Variants in MMADHC observed in about 807,000 individuals in gnomAD.
MMADHC encodes metabolism of cobalamin associated D.
Under a neutral mutation model 36.3 loss-of-function variants are expected in MMADHC, and 23 were observed. The observed-to-expected ratio is 0.63, with a 90% CI of 0.46 to 0.90. The LOEUF (loss-of-function observed/expected upper bound fraction) is 0.90, where lower values mean the gene tolerates loss of function less well. Among genes scored for constraint, MMADHC ranks in the 40% least tolerant of loss-of-function variants. The probability of loss-of-function intolerance (pLI) is 0.00; values close to 1 mark genes in which losing one functional copy is unlikely to be tolerated. For synonymous variants in MMADHC, 97 were observed against 116.1 expected, an observed-to-expected ratio of 0.84 and a Z score of 1.06; for missense variants, 330 against 348.0, an observed-to-expected ratio of 0.95 and a Z score of 0.41.
chr2:149,575,333 A>G (rs1021453661), intron 6 of MMADHC, among the ~76,000 whole-genome samples: 2 of 150,780 alleles, frequency 1.3e-5, no homozygotes, highest in East Asian at 2.0e-4. Context: ...TTATTTTGAC[A>G]TGTTCTAAGC....
chr2:149,569,774 G>A lies in MMADHC; in HGVS notation c.*200C>T. ...ACCACATCCTATACAATGTGGATGT[G>A]TTCAACGTGTATTCAATGATATGAA... On this transcript the variant is annotated 3_prime_UTR_variant, in exon 8 of 8. Coordinates refer to ENST00000303319, the MANE Select transcript of MMADHC (RefSeq NM_015702.3). 2 of 562,066 alleles carry A rather than the reference G, an allele frequency of 3.6e-6. No homozygotes were observed. The highest frequency in any genetic ancestry group is 6.4e-6 in the Non-Finnish European group (2 of 314,900). 34.8% of individuals were successfully genotyped at this position (562,066 alleles called of 1,614,324 possible).
At position 149,587,767 on chromosome 2, in the gene MMADHC, A is replaced by C. The variant is rs945429451; in HGVS notation, c.-156T>G. Reference sequence around the variant, plus strand: ...GGTAGCACCTACGCTGGCGGTGAGCAGGCAAAGGAAGTTGCTTCCGAGCGC... The same window carrying C: ...GGTAGCACCTACGCTGGCGGTGAGCCGGCAAAGGAAGTTGCTTCCGAGCGC... On this transcript the variant is annotated 5_prime_UTR_variant, in exon 1 of 8. Transcript: ENST00000303319. The C allele has an allele frequency of 3.3e-5, 5 of 152,962 alleles. No homozygotes were observed. Among genetic ancestry groups the C allele is most frequent in the South Asian group, 2.0e-4 (1 of 4,956 alleles). The allele number at this position is 152,962 out of a possible 1,614,324, so 9.5% of individuals were successfully genotyped here. A position where few individuals can be genotyped will look rare whatever the true frequency, so the allele number is the denominator to read the frequency against.
intron 3 of MMADHC, among the ~76,000 whole-genome samples, chr2:149,580,637 C>CA (rs1192768981): frequency 1.3e-5 from 2 of 152,146 alleles, no homozygotes; most frequent in African/African-American, 4.8e-5. Context: ...AATATCCTGT[C>CA]AGAGAACTAA....
chr2:149,570,010 T>A lies in MMADHC; in HGVS notation c.855A>T (p.Pro285=), dbSNP rs768988562. 6 of 1,613,612 alleles carry A rather than the reference T, an allele frequency of 3.7e-6. No homozygotes were observed. In the East Asian group the frequency reaches 1.3e-4, roughly 36 times the overall value. The change falls in exon 8 of 8, where the codon CCA becomes CCT. Residue 285 remains proline (P), a synonymous_variant. Transcript: ENST00000303319. ...VVGSIFTNAT[P]DSHIMKKLSG... The stretch of plus-strand genomic sequence containing the variant: ...TTAATTTCTTCATAATATGGCTGTC[T>A]GGTGTTGCATTAGTGAAGATACTCC...
intron 2 of MMADHC, among the ~76,000 whole-genome samples, chr2:149,583,602 G>A (rs765852197): frequency 6.6e-6 from 1 of 152,148 alleles, no homozygotes; most frequent in Non-Finnish European, 1.5e-5. Context: ...AAAATGGACT[G>A]GAGGAGGAGT....
intron 2 of MMADHC, among the ~76,000 whole-genome samples, chr2:149,584,336 C>T (rs1032817318): frequency 7.2e-5 from 11 of 152,096 alleles, no homozygotes; most frequent in African/African-American, 2.7e-4. Context: ...GGTCCAAGTT[C>T]TATAGTAAGT....
At chr2:149,578,751 G>A (rs1250862594) in intron 4 of MMADHC, among the ~76,000 whole-genome samples, 1 of 151,970 alleles carries the variant, frequency 6.6e-6, no homozygotes, top group African/African-American at 2.4e-5. Flanking sequence ...TCAAATGTAA[G>A]GAATTGGTGC....
At position 149,587,155 on chromosome 2, in the gene MMADHC, A is replaced by G. The variant is rs1169325447; in HGVS notation, c.-52-6T>C. On this transcript the variant is annotated splice_region_variant and splice_polypyrimidine_tract_variant and intron_variant, in intron 1 of 7. Coordinates refer to ENST00000303319, the MANE Select transcript of MMADHC (RefSeq NM_015702.3). ...TTCCTTTGGTAAAGTTATTTCTGGGAAAGAACACAACAAAACAGACGAGTG... is the reference window on the plus strand; with the variant it reads ...TTCCTTTGGTAAAGTTATTTCTGGGGAAGAACACAACAAAACAGACGAGTG... 9.1e-6 allele frequency: 14 copies of G among 1,545,908 alleles called. No individual in the cohort carries two copies. The highest frequency in any genetic ancestry group is 2.2e-5 in the East Asian group (1 of 44,588).
At chr2:149,587,006 C>G in intron 2 of MMADHC, 83 bp downstream of exon 2, 1 of 1,351,214 alleles carries the variant, frequency 7.4e-7, no homozygotes, top group Non-Finnish European at 1.1e-6. Flanking sequence ...CCACCCAATG[C>G]CATCATAATT....
In MMADHC at chr2:149,587,650, G is replaced by A. The variant is rs1682896087; in HGVS notation, c.-53+14C>T. 1 of 161,082 alleles carries A rather than the reference G, an allele frequency of 6.2e-6. No individual in the cohort carries two copies. Among genetic ancestry groups the A allele is most frequent in the South Asian group, 1.5e-4 (1 of 6,518 alleles). The allele number at this position is 161,082 out of a possible 1,614,324, so 10.0% of individuals were successfully genotyped here. A position where few individuals can be genotyped will look rare whatever the true frequency, so the allele number is the denominator to read the frequency against. On this transcript the variant is annotated intron_variant, in intron 1 of 7. Transcript: ENST00000303319. ...AAATTTGGAGGGGCTAACATGGGCG[G>A]AAACCATCCGTACCAGTCACCACCA... is the stretch of plus-strand genomic sequence containing the variant.
At position 149,576,870 on chromosome 2, in the gene MMADHC, G is replaced by A. The variant is rs539072472; in HGVS notation, c.373-328C>T. Among the ~76,000 whole-genome samples, 259 of 152,196 alleles carry A rather than the reference G, an allele frequency of 1.7e-3. 1 individual carries two copies. Among genetic ancestry groups the A allele is most frequent in the African/African-American group, 6.0e-3 (249 of 41,528 alleles). ...ATAATGTTACCTCTTCTATTTTATG[G>A]TAATATTTAATTATCTTTTCTTCTA... On this transcript the variant is annotated intron_variant, in intron 4 of 7. Transcript: ENST00000303319.
intron 4 of MMADHC, 93 bp from the exon 5 acceptor site, chr2:149,576,635 T>C (rs999861935): frequency 3.5e-6 from 3 of 868,278 alleles, no homozygotes; most frequent in African/African-American, 1.7e-5. Context: ...AGAAAGCTTT[T>C]TGTTTGTTTT....
chr2:149,586,142 G>A (rs1260513298), intron 2 of MMADHC, among the ~76,000 whole-genome samples: 3 of 152,146 alleles, frequency 2.0e-5, no homozygotes, highest in Non-Finnish European at 2.9e-5. Flanking sequence ...TACAGAAATA[G>A]CATCCTGGCT....
Position 149,582,209 on chromosome 2 carries a change from C to G in MMADHC, c.72G>C (p.Arg24Ser). The G allele has an allele frequency of 6.2e-7, 1 of 1,613,826 alleles. No homozygotes were observed. Among genetic ancestry groups the G allele is most frequent in the Non-Finnish European group, 8.5e-7 (1 of 1,179,840 alleles). ...YLPGFCSLVKRVVNPKAFSTA... is the reference protein window; with the variant it reads ...YLPGFCSLVKSVVNPKAFSTA... ...TCGAAAAGGCTTTGGGATTGACAAC[C>G]CTTTTAACTAAAGAGCAAAATCCTG... Residue 24 changes from arginine to serine, a missense_variant, in exon 3 of 8, where the codon AGG (arginine) becomes AGC (serine). Coordinates refer to ENST00000303319, the MANE Select transcript of MMADHC (RefSeq NM_015702.3).
intron 4 of MMADHC, among the ~76,000 whole-genome samples, chr2:149,578,284 T>C (rs1296714948): frequency 6.6e-6 from 1 of 152,198 alleles, no homozygotes; most frequent in African/African-American, 2.4e-5. Context: ...TTATATTATT[T>C]ATAGTGATAT....
chr2:149,577,890 C>T (rs1039200665), intron 4 of MMADHC, among the ~76,000 whole-genome samples: 2 of 151,598 alleles, frequency 1.3e-5, no homozygotes, highest in African/African-American at 2.4e-5. Context: ...TGGTGGTGCA[C>T]GCCTGTAATC....
chr2:149,578,933 C>G (rs1260999189), intron 4 of MMADHC, among the ~76,000 whole-genome samples: 1 of 147,800 alleles, frequency 6.8e-6, no homozygotes, highest in Non-Finnish European at 1.5e-5. Context: ...AAAAAAAACC[C>G]AAACAAACCT....
intron 6 of MMADHC, among the ~76,000 whole-genome samples, chr2:149,574,115 C>T (rs1409840777): frequency 6.6e-6 from 1 of 152,054 alleles, no homozygotes; most frequent in African/African-American, 2.4e-5. Flanking sequence ...GCCATTCAAA[C>T]TGGTTATAGG....
intron 4 of MMADHC, among the ~76,000 whole-genome samples, chr2:149,577,259 G>T (rs1384046982): frequency 6.6e-6 from 1 of 152,178 alleles, no homozygotes; most frequent in East Asian, 1.9e-4. Context: ...TAGTTGATGT[G>T]TTATGTCTGA....
Sources: gnomAD v4.1 joint callset for allele counts (sites outside exome capture counted in the v4.1 genomes callset) on GRCh38, gnomAD v4.1.1 for gene constraint, MANE v1.5 for transcripts, NCBI Gene and HGNC (gene_info 2026-07-23, HGNC 2026-07-21) for gene names.